The following CUX2 variants were observed in gnomAD, a reference collection of about 807,000 sequenced individuals.
The protein encoded by CUX2 is homeobox protein cut-like 2.
Under a neutral mutation model 144.8 loss-of-function variants are expected in CUX2, and 40 were observed. That is an observed-to-expected ratio of 0.28 (90% CI 0.21 to 0.36). The LOEUF (loss-of-function observed/expected upper bound fraction) is 0.36. Among genes scored for constraint, CUX2 ranks in the 10% least tolerant of loss-of-function variants. CUX2 has a pLI of 1.00. For missense variants in CUX2, 1,615 were observed against 1,994.0 expected (o/e 0.81, Z 3.62); for synonymous variants, 827 against 875.6 (o/e 0.94, Z 0.98).
chr12:111,194,620 A>G (rs1403011495), intron 1 of CUX2, among the ~76,000 whole-genome samples: 1 of 152,170 alleles, frequency 6.6e-6, no homozygotes, highest in Non-Finnish European at 1.5e-5. Flanking sequence ...TTCCTTTGCC[A>G]TGTCCCCATC....
intron 3 of CUX2, among the ~76,000 whole-genome samples, chr12:111,254,092 T>G (rs1592886554): frequency 6.6e-6 from 1 of 152,160 alleles, no homozygotes; most frequent in Middle Eastern, 3.2e-3. Context: ...GTTGAGGAAA[T>G]GGAGCAGTGT....
chr12:111,184,059 A>G (rs1178801166), intron 1 of CUX2, among the ~76,000 whole-genome samples: 1 of 152,170 alleles, frequency 6.6e-6, no homozygotes, highest in Non-Finnish European at 1.5e-5. Context: ...GCATGGCTGC[A>G]GGAAAGAGGC....
chr12:111,278,150 C>T (rs997373459), intron 4 of CUX2, among the ~76,000 whole-genome samples: 1 of 152,216 alleles, frequency 6.6e-6, no homozygotes, highest in African/African-American at 2.4e-5. Flanking sequence ...GACGTGGTGG[C>T]TCACACCTGT....
chr12:111,058,565 G>GAGAC (rs1282056678), intron 1 of CUX2, among the ~76,000 whole-genome samples: 1 of 152,096 alleles, frequency 6.6e-6, no homozygotes. Flanking sequence ...GAGAGAGAGA[G>GAGAC]AGACAGACAG....
intron 1 of CUX2, among the ~76,000 whole-genome samples, chr12:111,131,293 G>A (rs953016040): frequency 4.6e-5 from 7 of 152,124 alleles, no homozygotes; most frequent in Non-Finnish European, 8.8e-5. Flanking sequence ...AGAATAGCAT[G>A]GGAAAGACCA....
rs755008052 is a variant in CUX2, at chr12:111,347,802, G to A, written c.3938G>A (p.Ser1313Asn). The A allele has an allele frequency of 6.2e-7, 1 of 1,613,614 alleles. No individual in the cohort carries two copies. The highest frequency in any genetic ancestry group is 2.2e-5 in the East Asian group (1 of 44,844). The part of the protein sequence containing the change: ...MEEDAEEEAG[S>N]QPQDSGELDK... ...GAGGATGCTGAGGAAGAGGCAGGCA[G>A]CCAGCCCCAGGACTCAGGGGAGCTG... Residue 1313 changes from serine (S) to asparagine (N), a missense_variant, in exon 22 of 22, where the codon AGC (serine) becomes AAC (asparagine). Transcript: ENST00000261726.
At chr12:111,043,422 G>A (rs1869842585) in intron 1 of CUX2, among the ~76,000 whole-genome samples, 1 of 152,198 alleles carries the variant, frequency 6.6e-6, no homozygotes, top group Admixed American at 6.5e-5. Flanking sequence ...GAAGAAAGCA[G>A]TATGGCCGGG....
chr12:111,318,245 CT>C (rs541676829), intron 16 of CUX2, among the ~76,000 whole-genome samples: 133 of 78,854 alleles, frequency 1.7e-3, no homozygotes, highest in East Asian at 8.1e-3. Context: ...TTTCTTTTTT[CT>C]TTTTTTTTTT....
intron 1 of CUX2, among the ~76,000 whole-genome samples, chr12:111,126,110 CTT>C (rs869221391): frequency 3.3e-4 from 43 of 131,494 alleles, no homozygotes; most frequent in South Asian, 5.0e-4. Context: ...GTCCCGAGGT[CTT>C]TTTTTTTTTT....
chr12:111,101,152 T>G (rs1047600858), intron 1 of CUX2, among the ~76,000 whole-genome samples: 1 of 152,164 alleles, frequency 6.6e-6, no homozygotes, highest in Admixed American at 6.5e-5. Flanking sequence ...TTTTTCAAGG[T>G]GCACTCACCC....
At chr12:111,176,544 G>A (rs1056584169) in intron 1 of CUX2, among the ~76,000 whole-genome samples, 27 of 152,170 alleles carry the variant, frequency 1.8e-4, no homozygotes, top group African/African-American at 6.3e-4. Context: ...CTAATCCATG[G>A]AAGATTCTGG....
intron 3 of CUX2, among the ~76,000 whole-genome samples, chr12:111,231,322 T>G (rs1431519724): frequency 6.6e-6 from 1 of 152,218 alleles, no homozygotes; most frequent in East Asian, 1.9e-4. Context: ...CGTGACTGGC[T>G]TATTTGGCTG....
intron 3 of CUX2, among the ~76,000 whole-genome samples, chr12:111,238,521 G>A (rs1442807184): frequency 6.6e-6 from 1 of 152,182 alleles, no homozygotes; most frequent in African/African-American, 2.4e-5. Flanking sequence ...GGCACAGAGA[G>A]GTTAGGTAAC....
At chr12:111,104,618 G>A (rs1346688163) in intron 1 of CUX2, among the ~76,000 whole-genome samples, 1 of 152,204 alleles carries the variant, frequency 6.6e-6, no homozygotes, top group East Asian at 1.9e-4. Flanking sequence ...TATAAAATGA[G>A]ATAATTCACA....
At chr12:111,105,514 C>T (rs1448041488) in intron 1 of CUX2, among the ~76,000 whole-genome samples, 11 of 149,946 alleles carry the variant, frequency 7.3e-5, no homozygotes, top group South Asian at 2.1e-4. Context: ...TGTGTGCTCA[C>T]GCACGTGTGC....
chr12:111,176,985 A>T (rs1878893968), intron 1 of CUX2, among the ~76,000 whole-genome samples: 2 of 152,084 alleles, frequency 1.3e-5, no homozygotes, highest in African/African-American at 2.4e-5. Flanking sequence ...CACCCACTAG[A>T]CGCCAGTAGT....
At chr12:111,248,081 A>G (rs970478779) in intron 3 of CUX2, among the ~76,000 whole-genome samples, 1 of 152,100 alleles carries the variant, frequency 6.6e-6, no homozygotes, top group African/African-American at 2.4e-5. Flanking sequence ...CCATATTTTT[A>G]GTAGAGACAG....
At chr12:111,284,344 G>A (rs1885269984) in intron 4 of CUX2, among the ~76,000 whole-genome samples, 2 of 152,164 alleles carry the variant, frequency 1.3e-5, no homozygotes, top group South Asian at 2.1e-4. Context: ...GCAGCCATAC[G>A]ACTTGTGCTC....
chr12:111,260,038 C>T (rs1420149733), intron 3 of CUX2, among the ~76,000 whole-genome samples: 1 of 151,804 alleles, frequency 6.6e-6, no homozygotes, highest in Admixed American at 6.6e-5. Context: ...TGGTGGGCAC[C>T]TGTAATCCCA....
Sources: allele counts gnomAD v4.1 joint callset (sites outside exome capture counted in the v4.1 genomes callset), GRCh38; gene constraint gnomAD v4.1.1; transcripts MANE v1.5; gene names NCBI Gene and HGNC (gene_info 2026-07-23, HGNC 2026-07-21).